ANKRD27: variants seen among roughly 807,000 people sequenced by gnomAD.
ANKRD27 encodes ankyrin repeat domain 27.
In ANKRD27, 112 loss-of-function variants were observed where a neutral mutation model predicts 129.7. The ratio of observed to expected loss-of-function variants is 0.86; its 90% CI spans 0.74 to 1.01. ANKRD27 has a LOEUF of 1.01. ANKRD27 is among the 50% of genes least tolerant of loss of function. The pLI, the probability that ANKRD27 is intolerant of heterozygous loss-of-function variation, is 0.00. For synonymous variants in ANKRD27, 516 were observed against 511.2 expected (o/e 1.01, Z -0.13); for missense variants, 1,258 against 1,300.5 (o/e 0.97, Z 0.50).
intron 3 of ANKRD27, among the ~76,000 whole-genome samples, chr19:32,648,972 T>G (rs1053319481): frequency 2.0e-5 from 3 of 149,410 alleles, no homozygotes; most frequent in Non-Finnish European, 3.0e-5. Flanking sequence ...GGGTTTGTTT[T>G]TTTTTTTTTT....
At chr19:32,667,878 C>T (rs1459135604) in intron 1 of ANKRD27, among the ~76,000 whole-genome samples, 1 of 150,666 alleles carries the variant, frequency 6.6e-6, no homozygotes, top group Non-Finnish European at 1.5e-5. Flanking sequence ...GAGCCTGGGG[C>T]CTTCTCTCTT....
intron 26 of ANKRD27, among the ~76,000 whole-genome samples, chr19:32,601,598 C>T (rs767505593): frequency 5.7e-5 from 7 of 121,834 alleles, no homozygotes; most frequent in Non-Finnish European, 9.6e-5. Flanking sequence ...GGTGACAGAG[C>T]GAGACTCTGT....
In ANKRD27 at chr19:32,619,292, T is replaced by A; in HGVS notation, c.1975A>T (p.Arg659Trp). Residue 659 changes from arginine to tryptophan, a missense_variant, in exon 20 of 29, where the codon AGG becomes TGG. Arg to Trp is a moderately radical substitution (Grantham distance 101). Coordinates refer to ENST00000306065, the MANE Select transcript of ANKRD27 (RefSeq NM_032139.3). ...SSFSSMSASS[R>W]QEETKKDYRE... ...TAGTCCTTCTTGGTCTCCTCCTGCC[T>A]TGAGCTGGCTGACATGGAGGAGAAG... The A allele has an allele frequency of 6.2e-7, 1 of 1,613,626 alleles. No individual in the cohort carries two copies. Among genetic ancestry groups the A allele is most frequent in the East Asian group, 2.2e-5 (1 of 44,852 alleles).
chr19:32,654,857 T>G (rs1362271229), intron 2 of ANKRD27, among the ~76,000 whole-genome samples: 1 of 152,002 alleles, frequency 6.6e-6, no homozygotes, highest in Non-Finnish European at 1.5e-5. Flanking sequence ...TCTCAGCTCA[T>G]TGCAACCTCT....
Position 32,630,178 on chromosome 19 carries a change from T to C in ANKRD27, c.1209+1224A>G, listed in dbSNP as rs376978810. Among the ~76,000 whole-genome samples the C allele has an allele frequency of 6.6e-5, 10 of 152,332 alleles. No individual in the cohort carries two copies. The East Asian group carries it at 1.9e-3, about 29-fold the overall frequency. ...TGTAAAGGAAAGAGAATAGCTGCAATGAGCAGGAAACCCCATCAACACACA... is the reference window on the plus strand; with the variant it reads ...TGTAAAGGAAAGAGAATAGCTGCAACGAGCAGGAAACCCCATCAACACACA... On this transcript the variant is annotated intron_variant, in intron 13 of 28. Transcript: ENST00000306065.
At chr19:32,639,070 C>T (rs1967144290) in intron 12 of ANKRD27, 2 of 451,680 alleles carry the variant, frequency 4.4e-6, no homozygotes, top group Non-Finnish European at 3.9e-6. Flanking sequence ...AAATTCCCTA[C>T]TTCTGGCTTC....
chr19:32,645,738 T>C (rs1465827153), intron 4 of ANKRD27, among the ~76,000 whole-genome samples: 1 of 152,144 alleles, frequency 6.6e-6, no homozygotes, highest in Non-Finnish European at 1.5e-5. Context: ...GTTCAAGTGA[T>C]TCTCCTGCCT....
At chr19:32,623,551 GTTTT>G (rs575591637) in intron 17 of ANKRD27, among the ~76,000 whole-genome samples, 1 of 135,708 alleles carries the variant, frequency 7.4e-6, no homozygotes. Context: ...GAGACCTGTT[GTTTT>G]TTTTTTTTTT....
At position 32,604,412 on chromosome 19, in the gene ANKRD27, T is replaced by C. The variant is rs1251457375; in HGVS notation, c.2506A>G (p.Ile836Val). 1.9e-6 allele frequency: 3 copies of C among 1,605,536 alleles called. No homozygotes were observed. The highest frequency in any genetic ancestry group is 2.2e-5 in the East Asian group (1 of 44,610). Residue 836 changes from isoleucine to valine, a missense_variant, in exon 25 of 29, where the codon ATT becomes GTT. Physicochemically the swap from Ile to Val is conservative, Grantham distance 29. Coordinates refer to ENST00000306065, the MANE Select transcript of ANKRD27 (RefSeq NM_032139.3). ...VALLLQHGAS[I>V]NASNNKGNTA... ...TTGCCCTTATTGTTAGAAGCGTTAA[T>C]GGAGGCCCCGTGCTGGAAAGAGAAA...
chr19:32,639,006 G>A lies in ANKRD27; in HGVS notation c.1116+350C>T, dbSNP rs555891444. On this transcript the variant is annotated intron_variant, in intron 12 of 28. Coordinates refer to ENST00000306065, the MANE Select transcript of ANKRD27 (RefSeq NM_032139.3). The stretch of plus-strand genomic sequence containing the variant: ...CACAGAGGTTTCCGGCTGGAAAAGC[G>A]ACAGTCCAGGGATCCCGTGACATCA... 167 of 385,054 alleles carry A rather than the reference G, an allele frequency of 4.3e-4. No individual in the cohort carries two copies. The East Asian group carries it at 5.7e-3, about 13-fold the overall frequency. 23.9% of individuals were successfully genotyped at this position (385,054 alleles called of 1,614,324 possible).
intron 1 of ANKRD27, among the ~76,000 whole-genome samples, chr19:32,663,303 A>T (rs1967682040): frequency 6.6e-6 from 1 of 152,142 alleles, no homozygotes; most frequent in Non-Finnish European, 1.5e-5. Flanking sequence ...TAGAGGAACC[A>T]CCCACCCAAC....
intron 13 of ANKRD27, among the ~76,000 whole-genome samples, chr19:32,629,840 T>G (rs1287540008): frequency 1.6e-5 from 2 of 127,204 alleles, no homozygotes; most frequent in East Asian, 4.7e-4. Context: ...GTTCCTCTTG[T>G]GTTCTTTTTT....
At chr19:32,627,222 A>C (rs1226623946) in intron 15 of ANKRD27, among the ~76,000 whole-genome samples, 1 of 152,104 alleles carries the variant, frequency 6.6e-6, no homozygotes, top group East Asian at 1.9e-4. Flanking sequence ...GCCCTAGAGC[A>C]CCACACACTT....
At chr19:32,643,507 T>C (rs754844534) in intron 6 of ANKRD27, 23 bp from the exon 7 acceptor site, 1 of 1,613,722 alleles carries the variant, frequency 6.2e-7, no homozygotes, top group Non-Finnish European at 8.5e-7. Context: ...AAAAGCACAG[T>C]GAAAGGGCTT....
chr19:32,608,901 G>A (rs1568397480), intron 22 of ANKRD27, among the ~76,000 whole-genome samples: 1 of 152,128 alleles, frequency 6.6e-6, no homozygotes, highest in Non-Finnish European at 1.5e-5. Context: ...AGGTTGCAGT[G>A]AGCCAAGATC....
chr19:32,622,645 C>T (rs759395081), intron 17 of ANKRD27, 26 bp from the exon 18 acceptor site: 16 of 1,610,868 alleles, frequency 9.9e-6, no homozygotes, highest in Middle Eastern at 2.0e-4. Context: ...GAAATGGCAT[C>T]GCTCATGGAT....
intron 12 of ANKRD27, among the ~76,000 whole-genome samples, chr19:32,632,410 A>AT (rs1967011325): frequency 6.6e-6 from 1 of 151,780 alleles, no homozygotes; most frequent in Non-Finnish European, 1.5e-5. Flanking sequence ...ACATGGTGAA[A>AT]CCCCTCTCTA....
In ANKRD27 at chr19:32,599,981, C is replaced by T; in HGVS notation, c.2837G>A (p.Gly946Asp). 3 of 1,612,374 alleles carry T rather than the reference C, an allele frequency of 1.9e-6. No homozygotes were observed. The highest frequency in any genetic ancestry group is 2.5e-6 in the Non-Finnish European group (3 of 1,178,834). Reference sequence around the variant, plus strand: ...TGAGTTTCATACTCACTTAAACTGACCAGCTGAGTGGACAAAGTAAAACTG... The same window carrying T: ...TGAGTTTCATACTCACTTAAACTGATCAGCTGAGTGGACAAAGTAAAACTG... ...TRQFYFVHSA[G>D]QFKGKTSREI... The change falls in exon 27 of 29, where the codon GGT becomes GAT. Residue 946 changes from glycine to aspartate, a missense_variant. Gly to Asp is a moderately conservative substitution (Grantham distance 94). Transcript: ENST00000306065.
chr19:32,643,387 C>T (rs187801037), intron 7 of ANKRD27, 35 bp from the exon 8 acceptor site: 27 of 1,613,684 alleles, frequency 1.7e-5, no homozygotes, highest in Non-Finnish European at 2.0e-5. Context: ...AGGGTGTGAG[C>T]GGGCAACAGG....
Sources: gnomAD v4.1 joint callset for allele counts (sites outside exome capture counted in the v4.1 genomes callset) on GRCh38, gnomAD v4.1.1 for gene constraint, MANE v1.5 for transcripts, NCBI Gene and HGNC (gene_info 2026-07-23, HGNC 2026-07-21) for gene names.